NFIB: variants seen among roughly 807,000 people sequenced by gnomAD.
NFIB encodes nuclear factor I B.
NFIB carries 11 observed loss-of-function variants against 61.5 expected under a neutral mutation model. That is an observed-to-expected ratio of 0.18 (90% CI 0.11 to 0.30). The LOEUF is 0.30. Among genes scored for constraint, NFIB ranks in the 10% least tolerant of loss-of-function variants. NFIB has a pLI of 1.00. For synonymous variants in NFIB, 260 were observed against 216.5 expected (o/e 1.20, Z -1.76); for missense variants, 471 against 608.9 (o/e 0.77, Z 2.38).
rs138659951 is a variant in NFIB, at chr9:14,323,093, G to C, written c.109-15573C>G. 1.3e-3 allele frequency among the ~76,000 whole-genome samples: 191 copies of C among 152,352 alleles called. 2 individuals carry two copies. The highest frequency in any genetic ancestry group is 4.4e-3 in the African/African-American group (184 of 41,584). On this transcript the variant is annotated intron_variant, in intron 1 of 8. Transcript: ENST00000380934. ...ACTTCGCCAGGCCACGTTTGTTTCC[G>C]TGTAGGAGGACTCCCGAAATGTTCC...
chr9:14,138,871 A>G (rs916265005), intron 6 of NFIB, among the ~76,000 whole-genome samples: 1 of 151,628 alleles, frequency 6.6e-6, no homozygotes, highest in Non-Finnish European at 1.5e-5. Flanking sequence ...TAATCCTGGC[A>G]CTAATAATAA....
intron 2 of NFIB, among the ~76,000 whole-genome samples, chr9:14,302,592 C>T (rs573052782): frequency 1.3e-5 from 2 of 152,248 alleles, no homozygotes; most frequent in East Asian, 3.9e-4. Flanking sequence ...GTCCAAAAAT[C>T]AGTTAGGGTG....
At chr9:14,511,847 T>A in the NFIB span, among the ~76,000 whole-genome samples, 1 of 152,252 alleles carries the variant, frequency 6.6e-6, no homozygotes, top group African/African-American at 2.4e-5. Context: ...CCATTTTTTC[T>A]TGGATCTTCT....
chr9:14,358,348 ACAAT>A (rs1385084365), intron 1 of NFIB, among the ~76,000 whole-genome samples: 1 of 152,136 alleles, frequency 6.6e-6, no homozygotes, highest in African/African-American at 2.4e-5. Context: ...TTTTCTGAGC[ACAAT>A]CACTTTGGGA....
chr9:14,185,072 T>C (rs1563877125), intron 2 of NFIB, among the ~76,000 whole-genome samples: 1 of 81,392 alleles, frequency 1.2e-5, no homozygotes, highest in Non-Finnish European at 2.7e-5. Context: ...TAATGACCTT[T>C]AAATATTGTT....
At chr9:14,503,467 A>C in the NFIB span, among the ~76,000 whole-genome samples, 1 of 151,848 alleles carries the variant, frequency 6.6e-6, no homozygotes, top group African/African-American at 2.4e-5. Flanking sequence ...TGTTTTTTTT[A>C]AATTTTTTGA....
chr9:14,438,876 G>A, the NFIB span, among the ~76,000 whole-genome samples: 276 of 152,312 alleles, frequency 1.8e-3, 1 homozygote, highest in African/African-American at 6.4e-3. Flanking sequence ...GACGCCCGAG[G>A]AAGAGGGACA....
intron 1 of NFIB, among the ~76,000 whole-genome samples, chr9:14,367,829 T>C (rs1012251019): frequency 6.6e-6 from 1 of 151,952 alleles, no homozygotes; most frequent in Non-Finnish European, 1.5e-5. Flanking sequence ...AGTTGAACAA[T>C]GGGAACACAT....
At chr9:14,150,815 T>C (rs1332771624) in intron 4 of NFIB, among the ~76,000 whole-genome samples, 1 of 152,150 alleles carries the variant, frequency 6.6e-6, no homozygotes, top group South Asian at 2.1e-4. Context: ...ATGTTGATAA[T>C]ATAGAATAAT....
chr9:14,337,665 T>G (rs1453136867), intron 1 of NFIB, among the ~76,000 whole-genome samples: 1 of 152,220 alleles, frequency 6.6e-6, no homozygotes, highest in Non-Finnish European at 1.5e-5. Context: ...GGGGGACACA[T>G]GCCCAGGCCA....
intron 1 of NFIB, among the ~76,000 whole-genome samples, chr9:14,333,271 T>C (rs1340420187): frequency 6.6e-6 from 1 of 152,248 alleles, no homozygotes. Flanking sequence ...GATGAGAAGA[T>C]TTGTGTGCAT....
chr9:14,409,978 A>T, the NFIB span, among the ~76,000 whole-genome samples: 1 of 152,204 alleles, frequency 6.6e-6, no homozygotes, highest in Non-Finnish European at 1.5e-5. Context: ...TTTATCACCC[A>T]AACTTTAGTA....
chr9:14,442,035 G>T, the NFIB span, among the ~76,000 whole-genome samples: 2 of 152,178 alleles, frequency 1.3e-5, no homozygotes, highest in Non-Finnish European at 2.9e-5. Context: ...TTCATCCTCA[G>T]GAGAACCTTC....
At chr9:14,525,787 A>C in the NFIB span, among the ~76,000 whole-genome samples, 2 of 151,950 alleles carry the variant, frequency 1.3e-5, no homozygotes. Flanking sequence ...ATTTTTAAAA[A>C]CTCAACATGA....
chr9:14,522,235 C>T, the NFIB span, among the ~76,000 whole-genome samples: 2 of 152,180 alleles, frequency 1.3e-5, no homozygotes, highest in Middle Eastern at 3.2e-3. Context: ...ATCAAATTAG[C>T]TCTGTTGGCT....
At chr9:14,117,429 C>A (rs1183616028) in intron 8 of NFIB, among the ~76,000 whole-genome samples, 1 of 151,890 alleles carries the variant, frequency 6.6e-6, no homozygotes, top group Non-Finnish European at 1.5e-5. Context: ...CGGTGTTCAT[C>A]GCAATTTGCT....
intron 2 of NFIB, among the ~76,000 whole-genome samples, chr9:14,296,053 G>A (rs562363507): frequency 5.7e-4 from 86 of 152,184 alleles, no homozygotes; most frequent in Admixed American, 9.2e-4. Context: ...AAATATTCAC[G>A]CGCACTACAG....
intron 1 of NFIB, among the ~76,000 whole-genome samples, chr9:14,378,943 T>C (rs2061452009): frequency 1.3e-5 from 2 of 152,118 alleles, no homozygotes; most frequent in Non-Finnish European, 2.9e-5. Context: ...TTCAGTAACA[T>C]TGAGAAGGAT....
the NFIB span, among the ~76,000 whole-genome samples, chr9:14,496,270 G>A: frequency 0.013 from 1,961 of 152,142 alleles, 40 homozygotes; most frequent in African/African-American, 0.045. Flanking sequence ...ATTCATTTAC[G>A]GTTTATATAT....
Sources: gnomAD v4.1 joint callset for allele counts (sites outside exome capture counted in the v4.1 genomes callset) on GRCh38, gnomAD v4.1.1 for gene constraint, MANE v1.5 for transcripts, NCBI Gene and HGNC (gene_info 2026-07-23, HGNC 2026-07-21) for gene names.